The following ARHGAP24 variants were observed in gnomAD, a reference collection of about 807,000 sequenced individuals.
The protein encoded by ARHGAP24 is Rho GTPase activating protein 24, also known as rho GTPase-activating protein 24.
ARHGAP24 carries 50 observed loss-of-function variants against 76.4 expected under a neutral mutation model. The ratio of observed to expected loss-of-function variants is 0.65; its 90% CI spans 0.52 to 0.83. The LOEUF is 0.83. Ranked by LOEUF, ARHGAP24 falls within the 40% of genes least tolerant of loss-of-function variation. The pLI, the probability that ARHGAP24 is intolerant of heterozygous loss-of-function variation, is 0.00. For missense variants in ARHGAP24, 930 were observed against 914.2 expected, an observed-to-expected ratio of 1.02 and a Z score of -0.22; for synonymous variants, 345 against 323.3, an observed-to-expected ratio of 1.07 and a Z score of -0.72.
intron 1 of ARHGAP24, among the ~76,000 whole-genome samples, chr4:85,542,621 A>G (rs1725747062): frequency 1.3e-5 from 2 of 152,224 alleles, no homozygotes; most frequent in African/African-American, 4.8e-5. Context: ...CTTAGAGCTA[A>G]CTATATATTC....
chr4:86,000,984 A>G lies in ARHGAP24; in HGVS notation c.*262A>G. The G allele has an allele frequency of 3.9e-6, 2 of 518,566 alleles. No individual in the cohort carries two copies. The highest frequency in any genetic ancestry group is 5.9e-5 in the South Asian group (2 of 33,998). 32.1% of individuals were successfully genotyped at this position (518,566 alleles called of 1,614,324 possible). ...AAAGTAAACTAAAAATGAGAAGCAT[A>G]TTTCAAGAATTATTTTATTGCAAGT... On this transcript the variant is annotated 3_prime_UTR_variant, in exon 10 of 10. Transcript: ENST00000395184.
intron 3 of ARHGAP24, among the ~76,000 whole-genome samples, chr4:85,811,913 C>T (rs531922196): frequency 3.2e-4 from 48 of 152,266 alleles, no homozygotes; most frequent in African/African-American, 1.0e-3. Flanking sequence ...TGGTAGCTCA[C>T]GCCTCTAATC....
intron 3 of ARHGAP24, among the ~76,000 whole-genome samples, chr4:85,848,484 T>G (rs1731018355): frequency 6.6e-6 from 1 of 152,210 alleles, no homozygotes; most frequent in Admixed American, 6.5e-5. Context: ...GTTTCCAACT[T>G]TGACCACGTC....
At chr4:85,808,119 CTCATTT>C (rs1196547511) in intron 3 of ARHGAP24, among the ~76,000 whole-genome samples, 4 of 152,118 alleles carry the variant, frequency 2.6e-5, no homozygotes, top group Non-Finnish European at 5.9e-5. Context: ...TTTCAGCATT[CTCATTT>C]TATTTTTCTC....
intron 2 of ARHGAP24, among the ~76,000 whole-genome samples, chr4:85,651,251 A>T (rs1221845846): frequency 1.3e-5 from 2 of 149,488 alleles, no homozygotes; most frequent in African/African-American, 5.1e-5. Context: ...AAAGATATTA[A>T]AGAGTTTTAA....
chr4:85,574,201 C>T (rs991626130), intron 2 of ARHGAP24, among the ~76,000 whole-genome samples: 2 of 152,158 alleles, frequency 1.3e-5, no homozygotes, highest in African/African-American at 4.8e-5. Flanking sequence ...AGTAAATTTT[C>T]ACTGAGTTGT....
chr4:85,627,572 C>T lies in ARHGAP24; in HGVS notation c.180+56851C>T, dbSNP rs978864059. On this transcript the variant is annotated intron_variant, in intron 2 of 9. Coordinates refer to ENST00000395184, the MANE Select transcript of ARHGAP24 (RefSeq NM_001025616.3). ...CTGTTCTCAGATCTCAAGCTGCGTG[C>T]TGGGAGAACCACTACTCTCTTCAAA... is the stretch of plus-strand genomic sequence containing the variant. 3.9e-5 allele frequency among the ~76,000 whole-genome samples: 6 copies of T among 152,302 alleles called. No individual in the cohort carries two copies. In the South Asian group the frequency reaches 1.2e-3, roughly 32 times the overall value.
Position 85,697,976 on chromosome 4 carries a change from A to G in ARHGAP24, c.181-23909A>G, listed in dbSNP as rs967265552. Among the ~76,000 whole-genome samples, 9 of 152,164 alleles carry G rather than the reference A, an allele frequency of 5.9e-5. 1 individual carries two copies. The highest frequency in any genetic ancestry group is 2.2e-4 in the African/African-American group (9 of 41,438). On this transcript the variant is annotated intron_variant, in intron 2 of 9. Coordinates refer to ENST00000395184, the MANE Select transcript of ARHGAP24 (RefSeq NM_001025616.3). ...CATGTTCATTGTTTAATCTTGAAAT[A>G]TTTTCTTAGGCAAACATATACTATT...
At chr4:85,881,086 T>A (rs1733225572) in intron 3 of ARHGAP24, among the ~76,000 whole-genome samples, 1 of 152,200 alleles carries the variant, frequency 6.6e-6, no homozygotes, top group African/African-American at 2.4e-5. Context: ...TAAGGGTTAC[T>A]TGAACACAGG....
At chr4:85,678,855 C>G (rs1240099610) in intron 2 of ARHGAP24, among the ~76,000 whole-genome samples, 1 of 152,180 alleles carries the variant, frequency 6.6e-6, no homozygotes, top group Non-Finnish European at 1.5e-5. Flanking sequence ...ATAGGAAGTA[C>G]AAGGCTACAG....
intron 4 of ARHGAP24, among the ~76,000 whole-genome samples, chr4:85,930,109 G>A (rs2148816339): frequency 6.6e-6 from 1 of 152,330 alleles, no homozygotes; most frequent in East Asian, 1.9e-4. Context: ...GCCTTGGTGA[G>A]GAGCAACCGC....
intron 3 of ARHGAP24, among the ~76,000 whole-genome samples, chr4:85,748,996 A>G (rs1467981687): frequency 1.3e-5 from 2 of 152,108 alleles, no homozygotes; most frequent in Non-Finnish European, 2.9e-5. Flanking sequence ...AACTCTAAAG[A>G]TGTTACACCT....
In ARHGAP24 at chr4:85,722,019, G is replaced by A. The variant is rs199873264; in HGVS notation, c.268+47G>A. 7.2e-5 allele frequency: 111 copies of A among 1,544,108 alleles called. No individual in the cohort carries two copies. The African/African-American group carries it at 1.4e-3, about 19-fold the overall frequency. Reference sequence around the variant, plus strand: ...ATTAAATTATTGTCATCCTGTGTTGGTAAAGGTGAAGATGGGTCAGACAGG... The same window carrying A: ...ATTAAATTATTGTCATCCTGTGTTGATAAAGGTGAAGATGGGTCAGACAGG... On this transcript the variant is annotated intron_variant, in intron 3 of 9. Coordinates refer to ENST00000395184, the MANE Select transcript of ARHGAP24 (RefSeq NM_001025616.3).
At chr4:85,624,922 CCT>C (rs1491393272) in intron 2 of ARHGAP24, among the ~76,000 whole-genome samples, 6 of 152,014 alleles carry the variant, frequency 3.9e-5, no homozygotes, top group African/African-American at 1.5e-4. Flanking sequence ...GGTGATATCC[CCT>C]TTCTCATTTT....
chr4:85,769,113 A>C (rs1727035771), intron 3 of ARHGAP24, among the ~76,000 whole-genome samples: 1 of 152,232 alleles, frequency 6.6e-6, no homozygotes, highest in Non-Finnish European at 1.5e-5. Flanking sequence ...CGGTGATTAA[A>C]AGACATTCAA....
intron 2 of ARHGAP24, among the ~76,000 whole-genome samples, chr4:85,609,618 C>T (rs1720314369): frequency 6.6e-6 from 1 of 152,076 alleles, no homozygotes; most frequent in Non-Finnish European, 1.5e-5. Context: ...TCTGCTCTTC[C>T]CATTATCACA....
chr4:85,857,567 T>G lies in ARHGAP24; in HGVS notation c.269-66081T>G, dbSNP rs908601781. Among the ~76,000 whole-genome samples the G allele has an allele frequency of 3.3e-5, 5 of 152,220 alleles. No individual in the cohort carries two copies. The East Asian group carries it at 9.6e-4, about 29-fold the overall frequency. On this transcript the variant is annotated intron_variant, in intron 3 of 9. Coordinates refer to ENST00000395184, the MANE Select transcript of ARHGAP24 (RefSeq NM_001025616.3). ...AATGCTTTTATTTTCATTTGGAAAT[T>G]ATCTTTATGCAGTTTTGGTGGTAGG...
chr4:85,533,490 A>G (rs138348664), intron 1 of ARHGAP24, among the ~76,000 whole-genome samples: 4 of 152,172 alleles, frequency 2.6e-5, no homozygotes, highest in Admixed American at 6.5e-5. Flanking sequence ...GGATGAAAAT[A>G]TTGTCTAATA....
At chr4:85,572,986 C>T (rs560755680) in intron 2 of ARHGAP24, among the ~76,000 whole-genome samples, 2 of 149,686 alleles carry the variant, frequency 1.3e-5, no homozygotes, top group East Asian at 2.0e-4. Flanking sequence ...AAGCGATTCT[C>T]CTGTCTCAGG....
Sources: allele counts gnomAD v4.1 joint callset (sites outside exome capture counted in the v4.1 genomes callset), GRCh38; gene constraint gnomAD v4.1.1; transcripts MANE v1.5; gene names NCBI Gene and HGNC (gene_info 2026-07-23, HGNC 2026-07-21).